SRRM4: variants seen among roughly 807,000 people sequenced by gnomAD.
SRRM4 encodes serine/arginine repetitive matrix 4, also known as serine/arginine repetitive matrix protein 4.
Under a neutral mutation model 68.9 loss-of-function variants are expected in SRRM4, and 33 were observed. The observed-to-expected ratio is 0.48, with a 90% CI of 0.36 to 0.64. The LOEUF (loss-of-function observed/expected upper bound fraction) is 0.64. Ranked by LOEUF, SRRM4 falls within the 30% of genes least tolerant of loss-of-function variation. The probability of loss-of-function intolerance (pLI) is 0.00; values close to 1 mark genes in which losing one functional copy is unlikely to be tolerated. For missense variants in SRRM4, 817 were observed against 827.1 expected (o/e 0.99, Z 0.15); for synonymous variants, 318 against 318.8 (o/e 1.00, Z 0.03).
chr12:119,139,287 T>G (rs764329424), intron 8 of SRRM4, among the ~76,000 whole-genome samples: 15 of 152,132 alleles, frequency 9.9e-5, no homozygotes, highest in Admixed American at 4.6e-4. Context: ...GCCCATCAGA[T>G]GCTCACAACT....
rs147563233 is a variant in SRRM4, at chr12:119,086,135, C to T, written c.132-16101C>T. Among the ~76,000 whole-genome samples the T allele has an allele frequency of 2.0e-5, 3 of 152,256 alleles. No homozygotes were observed. In the East Asian group the frequency reaches 5.8e-4, roughly 29 times the overall value. On this transcript the variant is annotated intron_variant, in intron 1 of 12. Transcript: ENST00000267260. Reference sequence around the variant, plus strand: ...CAATGGATTACAGGGCCACCCTCAACGTAACTAACCTGCCTGTATGGCACA... The same window carrying T: ...CAATGGATTACAGGGCCACCCTCAATGTAACTAACCTGCCTGTATGGCACA...
Position 119,154,467 on chromosome 12 carries a change from G to A in SRRM4, c.1532+84G>A, listed in dbSNP as rs1954460297. On this transcript the variant is annotated intron_variant, in intron 12 of 12. Transcript: ENST00000267260. The surrounding 1 kb of genome is among the most constrained non-coding windows in gnomAD (Gnocchi z 4.7). ...TCATTCGAGCCTCAGGCTCTCCCTA[G>A]GCCTCCTTGGGGCTGGGATTTAGGA... The A allele has an allele frequency of 5.4e-6, 8 of 1,481,450 alleles. No homozygotes were observed. Among genetic ancestry groups the A allele is most frequent in the Non-Finnish European group, 7.4e-6 (8 of 1,084,598 alleles). 91.8% of individuals were successfully genotyped at this position (1,481,450 alleles called of 1,614,324 possible). A position where few individuals can be genotyped will look rare whatever the true frequency, so the allele number is the denominator to read the frequency against.
chr12:119,080,940 C>T (rs1391928093), intron 1 of SRRM4, among the ~76,000 whole-genome samples: 13 of 152,218 alleles, frequency 8.5e-5, no homozygotes, highest in African/African-American at 3.1e-4. Flanking sequence ...ACACAAGCCC[C>T]AATCCGCACC....
chr12:119,007,030 C>T (rs1953420633), intron 1 of SRRM4, among the ~76,000 whole-genome samples: 1 of 152,220 alleles, frequency 6.6e-6, no homozygotes, highest in African/African-American at 2.4e-5. Flanking sequence ...TCAGGGTCAG[C>T]TTTATGGATT....
At chr12:119,075,975 T>C (rs1056902872) in intron 1 of SRRM4, among the ~76,000 whole-genome samples, 5 of 151,642 alleles carry the variant, frequency 3.3e-5, no homozygotes, top group Non-Finnish European at 5.9e-5. Context: ...GTGGTGGTGA[T>C]GGTGATGATG....
At chr12:119,027,640 A>G (rs1399763264) in intron 1 of SRRM4, among the ~76,000 whole-genome samples, 1 of 152,222 alleles carries the variant, frequency 6.6e-6, no homozygotes, top group Non-Finnish European at 1.5e-5. Flanking sequence ...TGGAGACTAT[A>G]ATAATAGATA....
chr12:119,097,900 A>G (rs932394214), intron 1 of SRRM4, among the ~76,000 whole-genome samples: 1 of 152,196 alleles, frequency 6.6e-6, no homozygotes, highest in Non-Finnish European at 1.5e-5. Context: ...TGTTTATTCA[A>G]TGCTAAATTC....
intron 1 of SRRM4, among the ~76,000 whole-genome samples, chr12:119,018,035 A>T (rs1953492487): frequency 6.6e-6 from 1 of 152,242 alleles, no homozygotes; most frequent in African/African-American, 2.4e-5. Context: ...AACAATGTCA[A>T]TAAAAGGCTT....
chr12:119,070,798 T>G (rs1176386031), intron 1 of SRRM4, among the ~76,000 whole-genome samples: 1 of 152,244 alleles, frequency 6.6e-6, no homozygotes, highest in Admixed American at 6.5e-5. Context: ...GGAGTCTGAC[T>G]GGGCCATGCT....
chr12:119,031,238 T>C (rs375611616), intron 1 of SRRM4: 2 of 152,238 alleles, frequency 1.3e-5, no homozygotes, highest in African/African-American at 4.8e-5. Context: ...TCTTGCTGGC[T>C]GTTAATCTGA....
intron 1 of SRRM4, among the ~76,000 whole-genome samples, chr12:119,044,399 C>T (rs1953691543): frequency 6.6e-6 from 1 of 152,168 alleles, no homozygotes. Flanking sequence ...TTCAGAGCTG[C>T]ACAGGCCCAG....
chr12:119,074,903 T>C (rs1953899051), intron 1 of SRRM4, among the ~76,000 whole-genome samples: 1 of 152,222 alleles, frequency 6.6e-6, no homozygotes, highest in African/African-American at 2.4e-5. Flanking sequence ...ATATTAGACA[T>C]TTTCTTGTGC....
chr12:119,081,340 AT>A (rs1193280073), intron 1 of SRRM4, among the ~76,000 whole-genome samples: 8 of 152,190 alleles, frequency 5.3e-5, no homozygotes, highest in Non-Finnish European at 1.2e-4. Context: ...AAAAGGTCAT[AT>A]TTGAGCAAAG....
chr12:119,095,113 C>T (rs1417667591), intron 1 of SRRM4, among the ~76,000 whole-genome samples: 2 of 151,672 alleles, frequency 1.3e-5, no homozygotes, highest in African/African-American at 4.9e-5. Flanking sequence ...CTGAAGATTA[C>T]CCCCATCCAG....
intron 1 of SRRM4, among the ~76,000 whole-genome samples, chr12:119,067,583 C>T (rs1953853773): frequency 6.6e-6 from 1 of 152,132 alleles, no homozygotes. Context: ...TGGCGCGTGC[C>T]TGTAATCCCA....
At chr12:119,018,970 TCA>T (rs1394839707) in intron 1 of SRRM4, among the ~76,000 whole-genome samples, 2 of 152,138 alleles carry the variant, frequency 1.3e-5, no homozygotes, top group Admixed American at 1.3e-4. Context: ...TGCAAAAATC[TCA>T]AACTTAATGA....
chr12:119,016,333 A>T (rs1013583577), intron 1 of SRRM4, among the ~76,000 whole-genome samples: 11 of 151,884 alleles, frequency 7.2e-5, no homozygotes, highest in Non-Finnish European at 1.6e-4. Context: ...AAATGAACAC[A>T]ATCCCCCCAG....
Position 118,981,559 on chromosome 12 carries a change from G to C in SRRM4, c.-324G>C. On this transcript the variant is annotated 5_prime_UTR_variant, in exon 1 of 13. Transcript: ENST00000267260. The stretch of plus-strand genomic sequence containing the variant: ...CTCACACGCGCACGCACACACATCC[G>C]ACCCCGTCGCCTCTTCTCTCCTGGT... 3.7e-6 allele frequency: 1 copy of C among 267,762 alleles called. No homozygotes were observed. Among genetic ancestry groups the C allele is most frequent in the Non-Finnish European group, 7.1e-6 (1 of 141,158 alleles). 16.6% of individuals were successfully genotyped at this position (267,762 alleles called of 1,614,324 possible). A position where few individuals can be genotyped will look rare whatever the true frequency, so the allele number is the denominator to read the frequency against.
intron 1 of SRRM4, among the ~76,000 whole-genome samples, chr12:119,055,948 T>C (rs535710659): frequency 1.3e-5 from 2 of 152,308 alleles, no homozygotes; most frequent in African/African-American, 4.8e-5. Context: ...TGCCTAACAA[T>C]AGAACGAAAT....
Sources: gnomAD v4.1 joint callset for allele counts (sites outside exome capture counted in the v4.1 genomes callset) on GRCh38, gnomAD v4.1.1 for gene constraint, Gnocchi (gnomAD v3.1) non-coding constraint, MANE v1.5 for transcripts, NCBI Gene and HGNC (gene_info 2026-07-23, HGNC 2026-07-21) for gene names.